The following ZNF410 variants were observed in gnomAD, a reference collection of about 807,000 sequenced individuals.
ZNF410 encodes the protein another partner for ARF 1.
ZNF410 carries 18 observed loss-of-function variants against 54.8 expected under a neutral mutation model. That is an observed-to-expected ratio of 0.33 (90% CI 0.23 to 0.49). The LOEUF (loss-of-function observed/expected upper bound fraction) is 0.49. ZNF410 is among the 20% of genes least tolerant of loss of function. The pLI, the probability that ZNF410 is intolerant of heterozygous loss-of-function variation, is 0.99. For synonymous variants in ZNF410, 191 were observed against 207.3 expected, an observed-to-expected ratio of 0.92 and a Z score of 0.68; for missense variants, 405 against 569.6, an observed-to-expected ratio of 0.71 and a Z score of 2.94.
intron 1 of ZNF410, chr14:73,891,799 G>A (rs905049588): frequency 5.5e-6 from 3 of 547,674 alleles, no homozygotes; most frequent in Non-Finnish European, 9.6e-6. Context: ...CCATATTTAA[G>A]ATAGTTTTTT....
rs1012328222 is a variant in ZNF410, at chr14:73,889,392, A to T, written c.-150+2477A>T. Among the ~76,000 whole-genome samples, 5 of 142,300 alleles carry T rather than the reference A, an allele frequency of 3.5e-5. No homozygotes were observed. In the Admixed American group the frequency reaches 3.7e-4, roughly 10 times the overall value. 93.4% of individuals were successfully genotyped at this position (142,300 alleles called of 152,430 possible). A position where few individuals can be genotyped will look rare whatever the true frequency, so the allele number is the denominator to read the frequency against. ...GAGTCTCACTGGCTGAGATCGCGCC[A>T]CTGCACTCCAGCCTGCGTGACAGAG... On this transcript the variant is annotated intron_variant, in intron 1 of 11. Transcript: ENST00000555044.
At chr14:73,895,915 A>G (rs954470730) in intron 3 of ZNF410, among the ~76,000 whole-genome samples, 1 of 152,266 alleles carries the variant, frequency 6.6e-6, no homozygotes, top group Non-Finnish European at 1.5e-5. Flanking sequence ...ACCTAATACA[A>G]AAGTTAAGGA....
At chr14:73,890,784 A>G (rs935072531) in intron 1 of ZNF410, among the ~76,000 whole-genome samples, 1 of 152,100 alleles carries the variant, frequency 6.6e-6, no homozygotes, top group Non-Finnish European at 1.5e-5. Context: ...AGGCCACGGC[A>G]GGCGGATCAC....
In ZNF410 at chr14:73,931,564, G is replaced by T; in HGVS notation, c.*23G>T. ...TGAGCGTGGGTGCTGACTCCTGGAA[G>T]AGCAACTCTATCTGATCTCAAAATG... On this transcript the variant is annotated 3_prime_UTR_variant, in exon 12 of 12. Transcript: ENST00000555044. 1 of 1,609,614 alleles carries T rather than the reference G, an allele frequency of 6.2e-7. No homozygotes were observed. Among genetic ancestry groups the T allele is most frequent in the South Asian group, 1.1e-5 (1 of 90,500 alleles).
intron 5 of ZNF410, among the ~76,000 whole-genome samples, chr14:73,899,740 A>G (rs1490398672): frequency 6.6e-6 from 1 of 152,202 alleles, no homozygotes; most frequent in Non-Finnish European, 1.5e-5. Flanking sequence ...CGATCTGAAC[A>G]TAGAGATCAG....
At chr14:73,887,107 C>CCAAG (rs1177452945) in intron 1 of ZNF410, 192 bp downstream of exon 1, 1 of 152,850 alleles carries the variant, frequency 6.5e-6, no homozygotes, top group Non-Finnish European at 1.5e-5. Context: ...TTGGCCCTTC[C>CCAAG]CCTCGCGGGT....
In ZNF410 at chr14:73,896,546, T is replaced by C. The variant is rs1394737125; in HGVS notation, c.388+12T>C. ...CCTAACAAGAGCAGGTATTCTTTCCTTTTTTTTGGGCTCTGCTTATGCCTA... is the reference window on the plus strand; with the variant it reads ...CCTAACAAGAGCAGGTATTCTTTCCCTTTTTTTGGGCTCTGCTTATGCCTA... On this transcript the variant is annotated intron_variant, in intron 4 of 11. Transcript: ENST00000555044. The C allele has an allele frequency of 1.9e-6, 3 of 1,598,454 alleles. No individual in the cohort carries two copies. Among genetic ancestry groups the C allele is most frequent in the South Asian group, 1.1e-5 (1 of 89,472 alleles).
chr14:73,900,628 G>A (rs2055391031), intron 5 of ZNF410, among the ~76,000 whole-genome samples: 1 of 152,156 alleles, frequency 6.6e-6, no homozygotes, highest in African/African-American at 2.4e-5. Flanking sequence ...GCCTGCCTCT[G>A]CCTCCCGCAG....
intron 7 of ZNF410, among the ~76,000 whole-genome samples, chr14:73,905,994 T>TATAC (rs1293177402): frequency 1.5e-5 from 2 of 136,562 alleles, no homozygotes; most frequent in African/African-American, 5.8e-5. Context: ...TATATATATA[T>TATAC]ACACACATAC....
chr14:73,905,591 G>A (rs2055468574), intron 7 of ZNF410: 1 of 152,384 alleles, frequency 6.6e-6, no homozygotes, highest in South Asian at 2.1e-4. Flanking sequence ...GGGTCACACA[G>A]TATGTTAATA....
intron 5 of ZNF410, chr14:73,903,707 C>T (rs2055441102): frequency 2.2e-6 from 1 of 462,892 alleles, no homozygotes; most frequent in African/African-American, 2.0e-5. Context: ...ACCATGTTGC[C>T]CATGCTAGTC....
Position 73,893,925 on chromosome 14 carries a change from G to A in ZNF410, c.162G>A (p.Met54Ile), listed in dbSNP as rs1356020230. ...AAGCCTCAGAATGCAGTCGGCTAAT[G>A]TTACCAGGTAAAAATTAAGATCACT... ...VTEASECSRL[M>I]LPDDTTNHSN... The change falls in exon 3 of 12, where the codon ATG becomes ATA. Residue 54 changes from methionine (M) to isoleucine (I), a missense_variant. By Grantham distance (10) the Met-to-Ile change is conservative. Transcript: ENST00000555044. 1.2e-6 allele frequency: 2 copies of A among 1,608,390 alleles called. No individual in the cohort carries two copies. Among genetic ancestry groups the A allele is most frequent in the East Asian group, 4.5e-5 (2 of 44,858 alleles).
intron 4 of ZNF410, among the ~76,000 whole-genome samples, chr14:73,897,446 C>G (rs2055334988): frequency 6.6e-6 from 1 of 151,878 alleles, no homozygotes; most frequent in Non-Finnish European, 1.5e-5. Flanking sequence ...GAACTAGTTG[C>G]AGATAGGAGA....
At chr14:73,892,791 T>C (rs8013446) in intron 2 of ZNF410, among the ~76,000 whole-genome samples, 126,621 of 152,166 alleles carry the variant, frequency 0.83, 53,182 homozygotes, top group East Asian at 0.94. Flanking sequence ...CTGTAAAATA[T>C]GCCTTAAGTT....
intron 5 of ZNF410, among the ~76,000 whole-genome samples, chr14:73,900,848 T>C (rs1194774306): frequency 6.6e-6 from 1 of 152,186 alleles, no homozygotes; most frequent in Non-Finnish European, 1.5e-5. Context: ...GTTTGTTTGC[T>C]TTTAAAGCTC....
At chr14:73,920,865 A>C in intron 8 of ZNF410, 115 bp from the exon 9 acceptor site, 1 of 1,377,436 alleles carries the variant, frequency 7.3e-7, no homozygotes, top group East Asian at 2.4e-5. Flanking sequence ...CGGAATGGGA[A>C]AAGGAGCAGC....
At chr14:73,889,431 CAA>C (rs11330316) in intron 1 of ZNF410, among the ~76,000 whole-genome samples, 2,047 of 84,868 alleles carry the variant, frequency 0.024, 22 homozygotes, top group African/African-American at 0.075. Context: ...GACTCAGTCT[CAA>C]AAAAAAAAAA....
intron 8 of ZNF410, among the ~76,000 whole-genome samples, chr14:73,919,336 G>T (rs1042479647): frequency 2.0e-5 from 3 of 151,964 alleles, no homozygotes; most frequent in African/African-American, 7.3e-5. Context: ...ACATGTGCAG[G>T]TTTGTTACAA....
intron 5 of ZNF410, among the ~76,000 whole-genome samples, chr14:73,901,761 C>CAA (rs902763178): frequency 7.0e-6 from 1 of 143,026 alleles, no homozygotes; most frequent in Non-Finnish European, 1.5e-5. Context: ...CCCATCTCTA[C>CAA]AAAAAAAAAA....
Sources: gnomAD v4.1 joint callset for allele counts (sites outside exome capture counted in the v4.1 genomes callset) on GRCh38, gnomAD v4.1.1 for gene constraint, MANE v1.5 for transcripts, NCBI Gene and HGNC (gene_info 2026-07-23, HGNC 2026-07-21) for gene names.